Variants in CUX1 observed in about 807,000 individuals in gnomAD.
CUX1 encodes protein CASP.
In CUX1, 31 loss-of-function variants were observed where a neutral mutation model predicts 158.8. The observed-to-expected ratio is 0.20, with a 90% confidence interval of 0.15 to 0.26. The LOEUF is 0.26. CUX1 is among the 10% of genes least tolerant of loss of function. The pLI is 1.00. For missense variants in CUX1, 1,589 were observed against 2,014.6 expected, an observed-to-expected ratio of 0.79 and a Z score of 4.04; for synonymous variants, 879 against 862.1, an observed-to-expected ratio of 1.02 and a Z score of -0.34.
rs441986 is a variant in CUX1, at chr7:102,144,343, C to G, written c.675-14217C>G. Among the ~76,000 whole-genome samples, 777 of 152,024 alleles carry G rather than the reference C, an allele frequency of 5.1e-3. 3 individuals are homozygous for G. Among genetic ancestry groups the G allele is most frequent in the South Asian group, 0.018 (87 of 4,808 alleles). The stretch of plus-strand genomic sequence containing the variant: ...GTTTATGTTTCATATGTTAAATTTC[C>G]GACGTACGCGTGACCTGGTGTCAGC... On this transcript the variant is annotated intron_variant, in intron 8 of 23. Coordinates refer to ENST00000292535, the MANE Select transcript of CUX1 (RefSeq NM_181552.4).
intron 2 of CUX1, among the ~76,000 whole-genome samples, chr7:101,946,893 G>A (rs2129147998): frequency 6.6e-6 from 1 of 152,210 alleles, no homozygotes; most frequent in East Asian, 1.9e-4. Context: ...AGACCAAGGA[G>A]GTGGCACCCC....
Position 102,152,227 on chromosome 7 carries a change from A to G in CUX1, c.675-6333A>G, listed in dbSNP as rs577128769. Reference sequence around the variant, plus strand: ...TAGCTGGGCTTGCTAGTGCACACCTATAAGTCCCAGCTACTCAAGAGACTG... The same window carrying G: ...TAGCTGGGCTTGCTAGTGCACACCTGTAAGTCCCAGCTACTCAAGAGACTG... On this transcript the variant is annotated intron_variant, in intron 8 of 23. Transcript: ENST00000292535. Among the ~76,000 whole-genome samples, 10 of 152,160 alleles carry G rather than the reference A, an allele frequency of 6.6e-5. No homozygotes were observed. The East Asian group carries it at 7.7e-4, about 12-fold the overall frequency.
chr7:102,188,957 T>G (rs1233099987), intron 11 of CUX1: 1 of 152,024 alleles, frequency 6.6e-6, no homozygotes, highest in African/African-American at 2.4e-5. Context: ...CCTAGGCCCC[T>G]GAGAGGGAGC....
chr7:102,070,320 T>C lies in CUX1; in HGVS notation c.190-19T>C, dbSNP rs1192280282. 1.2e-6 allele frequency: 2 copies of C among 1,600,704 alleles called. No homozygotes were observed. Among genetic ancestry groups the C allele is most frequent in the Non-Finnish European group, 1.7e-6 (2 of 1,174,246 alleles). ...GTTGAGCTCTTTGTTTTTCTTTTCTTTCTTTCCTTCCCTTTCAGATTGATG... is the reference window on the plus strand; with the variant it reads ...GTTGAGCTCTTTGTTTTTCTTTTCTCTCTTTCCTTCCCTTTCAGATTGATG... On this transcript the variant is annotated intron_variant, in intron 3 of 23. Transcript: ENST00000292535.
chr7:101,997,976 G>A (rs1816183314), intron 2 of CUX1, among the ~76,000 whole-genome samples: 1 of 152,250 alleles, frequency 6.6e-6, no homozygotes, highest in South Asian at 2.1e-4. Flanking sequence ...TGTGCCACCA[G>A]AGAACGAACT....
intron 2 of CUX1, among the ~76,000 whole-genome samples, chr7:101,967,986 C>G (rs1444419365): frequency 6.6e-6 from 1 of 152,132 alleles, no homozygotes; most frequent in Non-Finnish European, 1.5e-5. Context: ...TGCCTGCAGC[C>G]TCAACCTCCT....
chr7:102,091,425 G>T (rs1554482176), intron 4 of CUX1, among the ~76,000 whole-genome samples: 2 of 151,966 alleles, frequency 1.3e-5, no homozygotes, highest in African/African-American at 4.8e-5. Flanking sequence ...CTAACTCCTG[G>T]CCTCAAGCAA....
Position 102,111,767 on chromosome 7 carries a change from A to G in CUX1, c.600A>G (p.Leu200=), listed in dbSNP as rs782128733. The G allele has an allele frequency of 1.9e-6, 3 of 1,613,910 alleles. No individual in the cohort carries two copies. The African/African-American group carries it at 4.0e-5, about 22-fold the overall frequency. ...AAGCTGAGCATAAGGTTCAGAGCCT[A>G]CAAACAGGTTTGATACTCTCCTTCC... ...LEEAEHKVQS[L]QTALEKTRTE... is the part of the protein sequence containing the mutation. The change falls in exon 7 of 24, where the codon CTA becomes CTG. Residue 200 remains leucine (L), a synonymous_variant. Transcript: ENST00000292535.
chr7:101,819,354 C>G (rs1475188980), intron 1 of CUX1, among the ~76,000 whole-genome samples: 1 of 152,214 alleles, frequency 6.6e-6, no homozygotes, highest in African/African-American at 2.4e-5. Flanking sequence ...GCTTTGAACT[C>G]TTTGGGACGG....
Position 102,239,600 on chromosome 7 carries a change from C to T in CUX1, c.3887+16C>T. On this transcript the variant is annotated intron_variant, in intron 23 of 23. Coordinates refer to ENST00000292535, the MANE Select transcript of CUX1 (RefSeq NM_181552.4). ...ACAACTACAGGTACGACGGCTGGCT[C>T]ACAGGGAGCGCCGGTCGGCCCAGGG... 6.2e-7 allele frequency: 1 copy of T among 1,605,280 alleles called. No homozygotes were observed. The highest frequency in any genetic ancestry group is 8.5e-7 in the Non-Finnish European group (1 of 1,173,248).
chr7:101,932,697 A>G (rs1806421976), intron 2 of CUX1: 1 of 428,264 alleles, frequency 2.3e-6, no homozygotes, highest in Admixed American at 2.5e-5. Flanking sequence ...TAAATCAACA[A>G]CCCACGAAAG....
In CUX1 at chr7:102,248,575, G is replaced by T; in HGVS notation, c.4051G>T (p.Asp1351Tyr). The T allele has an allele frequency of 6.7e-7, 1 of 1,485,412 alleles. No individual in the cohort carries two copies. The allele number at this position is 1,485,412 out of a possible 1,614,324, so 92.0% of individuals were successfully genotyped here. A position where few individuals can be genotyped will look rare whatever the true frequency, so the allele number is the denominator to read the frequency against. The stretch of plus-strand genomic sequence containing the variant: ...GGCCACTGAGGGCCCAGGCAGCGCC[G>T]ACACCGAGGAGCCCAAGTCTCAGGG... The part of the protein sequence containing the change: ...VEATEGPGSA[D>Y]TEEPKSQGEA... Residue 1351 changes from aspartate (D) to tyrosine (Y), a missense_variant, in exon 24 of 24, where the codon GAC (aspartate) becomes TAC (tyrosine). Around this residue, in one of 8 missense-constraint regions of CUX1, gnomAD observed 344 missense variants for 323.7 expected, o/e 1.06. Coordinates refer to ENST00000292535, the MANE Select transcript of CUX1 (RefSeq NM_181552.4). This position sits in a 1 kb window ranked among gnomAD's most constrained non-coding sequence, Gnocchi z 5.8.
At chr7:102,199,401 G>A (rs41275218) in intron 16 of CUX1, among the ~76,000 whole-genome samples, 55,037 of 152,050 alleles carry the variant, frequency 0.36, 10,254 homozygotes, top group Middle Eastern at 0.48. Context: ...GTGGCTTCCC[G>A]AAAGAGCTGG....
Position 102,254,343 on chromosome 7 carries a change from T to C in CUX1, c.*5301T>C. ...GGGAACACTGTAGCTCTTGGGTGTC[T>C]CTTGTCTCTGGCATGGTTTTAGCGT... is the stretch of plus-strand genomic sequence containing the variant. On this transcript the variant is annotated 3_prime_UTR_variant, in exon 24 of 24. Transcript: ENST00000292535. The C allele has an allele frequency of 1.0e-6, 1 of 985,472 alleles. No homozygotes were observed. Among genetic ancestry groups the C allele is most frequent in the Non-Finnish European group, 1.2e-6 (1 of 829,976 alleles). The allele number at this position is 985,472 out of a possible 1,614,324, so 61.0% of individuals were successfully genotyped here.
At chr7:101,852,650 C>T (rs1158640655) in intron 1 of CUX1, among the ~76,000 whole-genome samples, 1 of 139,400 alleles carries the variant, frequency 7.2e-6, no homozygotes, top group Admixed American at 7.2e-5. Context: ...AAGTTTTCTT[C>T]TGTTCTCTGC....
intron 2 of CUX1, among the ~76,000 whole-genome samples, chr7:101,976,900 A>T (rs1416355551): frequency 5.8e-3 from 227 of 39,360 alleles, no homozygotes; most frequent in Middle Eastern, 0.029. Context: ...TCCCTTTCTG[A>T]TTTTTTTTTT....
intron 2 of CUX1, chr7:101,961,736 CGTG>C (rs1563064926): frequency 1.3e-5 from 2 of 151,886 alleles, no homozygotes; most frequent in Non-Finnish European, 2.9e-5. Context: ...AAAAATCAGG[CGTG>C]GTGGCAGGTG....
intron 14 of CUX1, among the ~76,000 whole-genome samples, chr7:102,271,130 A>C (rs1681251913): frequency 6.6e-6 from 1 of 151,750 alleles, no homozygotes; most frequent in Admixed American, 6.6e-5. Flanking sequence ...AAAAGGGCTC[A>C]CTCTGGCCAG....
intron 1 of CUX1, among the ~76,000 whole-genome samples, chr7:101,902,125 C>T (rs950485600): frequency 5.3e-5 from 8 of 152,182 alleles, no homozygotes; most frequent in Non-Finnish European, 1.2e-4. Flanking sequence ...CAGGGAATTG[C>T]ATTCAGCTAG....
Sources: gnomAD v4.1 joint callset for allele counts (sites outside exome capture counted in the v4.1 genomes callset) on GRCh38, gnomAD v4.1.1 for gene constraint, gnomAD v4.1.1 regional missense constraint, Gnocchi (gnomAD v3.1) non-coding constraint, MANE v1.5 for transcripts, NCBI Gene and HGNC (gene_info 2026-07-23, HGNC 2026-07-21) for gene names.